TRAPPC9: variants seen among roughly 807,000 people sequenced by gnomAD.
TRAPPC9 encodes trafficking protein particle complex subunit 9.
Under a neutral mutation model 124.0 loss-of-function variants are expected in TRAPPC9, and 83 were observed. The ratio of observed to expected loss-of-function variants is 0.67; its 90% CI spans 0.56 to 0.80. The LOEUF (loss-of-function observed/expected upper bound fraction) is 0.80, where lower values mean the gene tolerates loss of function less well. TRAPPC9 is among the 30% of genes least tolerant of loss of function. The pLI is 0.00. For missense variants in TRAPPC9, 1,302 were observed against 1,508.3 expected (o/e 0.86, Z 2.27); for synonymous variants, 638 against 617.5 (o/e 1.03, Z -0.49).
intron 21 of TRAPPC9, among the ~76,000 whole-genome samples, chr8:139,846,568 AC>A (rs1386480859): frequency 6.6e-6 from 1 of 152,128 alleles, no homozygotes; most frequent in Non-Finnish European, 1.5e-5. Context: ...AAAGAAATTC[AC>A]CCCCACACAC....
intron 20 of TRAPPC9, among the ~76,000 whole-genome samples, chr8:139,906,605 G>C (rs1831380920): frequency 6.6e-6 from 1 of 152,074 alleles, no homozygotes; most frequent in African/African-American, 2.4e-5. Context: ...AGAGAGGAAG[G>C]GACAGGCACT....
rs548892972 is a variant in TRAPPC9 at position 139,754,607 on chromosome 8, C to A, written c.3056-22405G>T. Among the ~76,000 whole-genome samples, 8 of 152,338 alleles carry A rather than the reference C, an allele frequency of 5.3e-5. No homozygotes were observed. In the South Asian group the frequency reaches 1.7e-3, roughly 32 times the overall value. On this transcript the variant is annotated intron_variant, in intron 21 of 22. Coordinates refer to ENST00000438773, the MANE Select transcript of TRAPPC9 (RefSeq NM_001160372.4). ...CAAACTCGGGGTAACAACAAGAAGC[C>A]ATCCCAACTCCCATGGGTCGGCTGA...
Position 140,450,885 on chromosome 8 carries a change from A to C in TRAPPC9, c.489T>G (p.Arg163=). 9 of 1,613,988 alleles carry C rather than the reference A, an allele frequency of 5.6e-6. No individual in the cohort carries two copies. Among genetic ancestry groups the C allele is most frequent in the Non-Finnish European group, 6.8e-6 (8 of 1,179,974 alleles). ...CAGACTTGTCTGTGGCTCTGTCCAGACGCTTGGACTCCAGCACGATGAACA... is the reference window on the plus strand; with the variant it reads ...CAGACTTGTCTGTGGCTCTGTCCAGCCGCTTGGACTCCAGCACGATGAACA... ...ESLFIVLESK[R]LDRATDKSGD... The change falls in exon 2 of 23, where the codon CGT becomes CGG. Residue 163 remains arginine (R), a synonymous_variant. Coordinates refer to ENST00000438773, the MANE Select transcript of TRAPPC9 (RefSeq NM_001160372.4).
intron 17 of TRAPPC9, among the ~76,000 whole-genome samples, chr8:140,215,000 G>A (rs926206030): frequency 3.9e-5 from 6 of 152,130 alleles, no homozygotes; most frequent in African/African-American, 1.4e-4. Context: ...TCTGTAACAA[G>A]CTCATGGTGC....
intron 20 of TRAPPC9, among the ~76,000 whole-genome samples, chr8:139,902,041 AATC>A (rs2131224906): frequency 6.6e-6 from 1 of 152,314 alleles, no homozygotes; most frequent in Non-Finnish European, 1.5e-5. Flanking sequence ...TGCTCACAAT[AATC>A]ATCACGCTAA....
intron 20 of TRAPPC9, among the ~76,000 whole-genome samples, chr8:139,899,968 A>G (rs1830917531): frequency 6.6e-6 from 1 of 152,170 alleles, no homozygotes; most frequent in African/African-American, 2.4e-5. Flanking sequence ...AATGTGTTCT[A>G]GATGTACAAG....
intron 21 of TRAPPC9, among the ~76,000 whole-genome samples, chr8:139,863,456 T>G (rs1240588519): frequency 6.6e-6 from 1 of 152,216 alleles, no homozygotes; most frequent in East Asian, 1.9e-4. Context: ...GGACACTGCT[T>G]CCTCTGCTGG....
At chr8:140,052,047 G>A (rs1427801781) in intron 17 of TRAPPC9, among the ~76,000 whole-genome samples, 1 of 152,130 alleles carries the variant, frequency 6.6e-6, no homozygotes, top group African/African-American at 2.4e-5. Context: ...GGAGCATCAG[G>A]GGCCGGCCAG....
At position 139,844,932 on chromosome 8, in the gene TRAPPC9, G is replaced by A. The variant is rs576422275; in HGVS notation, c.3055+40947C>T. On this transcript the variant is annotated intron_variant, in intron 21 of 22. Transcript: ENST00000438773. The stretch of plus-strand genomic sequence containing the variant: ...CCCCATGCTCCCAGTTCATCACCCC[G>A]TCCCCAGGCCTGGCACATCCCGTGT... 6.6e-5 allele frequency among the ~76,000 whole-genome samples: 10 copies of A among 152,198 alleles called. No homozygotes were observed. In the South Asian group the frequency reaches 1.0e-3, roughly 16 times the overall value.
At chr8:140,144,929 A>G (rs1394211582) in intron 17 of TRAPPC9, among the ~76,000 whole-genome samples, 1 of 151,834 alleles carries the variant, frequency 6.6e-6, no homozygotes. Context: ...GCAGGAATGC[A>G]GTGGCGCGAT....
chr8:140,028,590 G>T (rs953004135), intron 17 of TRAPPC9, among the ~76,000 whole-genome samples: 1 of 152,220 alleles, frequency 6.6e-6, no homozygotes, highest in Non-Finnish European at 1.5e-5. Flanking sequence ...TTGCCATTCA[G>T]GCAAACTGTT....
chr8:140,036,611 G>A (rs112874349), intron 17 of TRAPPC9, among the ~76,000 whole-genome samples: 9 of 152,148 alleles, frequency 5.9e-5, no homozygotes, highest in South Asian at 2.1e-4. Context: ...TTGAGATTCC[G>A]AAGGACATCC....
intron 17 of TRAPPC9, among the ~76,000 whole-genome samples, chr8:140,077,645 A>C (rs1262455181): frequency 6.6e-6 from 1 of 152,134 alleles, no homozygotes; most frequent in African/African-American, 2.4e-5. Flanking sequence ...TGTGATGGAC[A>C]AGGCAAGGAC....
chr8:140,208,968 T>C (rs774156345), intron 17 of TRAPPC9, among the ~76,000 whole-genome samples: 8 of 152,136 alleles, frequency 5.3e-5, no homozygotes, highest in Admixed American at 1.3e-4. Flanking sequence ...GATTTGGGTG[T>C]ATGGAAGATC....
intron 21 of TRAPPC9, among the ~76,000 whole-genome samples, chr8:139,822,625 G>T (rs989555683): frequency 1.9e-5 from 2 of 105,218 alleles, no homozygotes; most frequent in Non-Finnish European, 2.2e-5. Flanking sequence ...GTAGGATGGC[G>T]GGGGGGGGCT....
chr8:139,773,223 T>C (rs1257343036), intron 21 of TRAPPC9, among the ~76,000 whole-genome samples: 1 of 152,248 alleles, frequency 6.6e-6, no homozygotes, highest in East Asian at 1.9e-4. Context: ...CCCAGGTCTC[T>C]GCCTCTGTCC....
chr8:140,076,552 C>T (rs1391848430), intron 17 of TRAPPC9, among the ~76,000 whole-genome samples: 1 of 152,240 alleles, frequency 6.6e-6, no homozygotes, highest in African/African-American at 2.4e-5. Flanking sequence ...ATCCGCATTC[C>T]ACGCTGTGTC....
chr8:140,361,836 G>A (rs1176939663), intron 8 of TRAPPC9, among the ~76,000 whole-genome samples: 2 of 152,158 alleles, frequency 1.3e-5, no homozygotes, highest in Non-Finnish European at 2.9e-5. Context: ...CGTGAGACTG[G>A]GCGCTCGGCT....
intron 20 of TRAPPC9, among the ~76,000 whole-genome samples, chr8:139,891,113 G>C (rs1830319563): frequency 6.6e-6 from 1 of 152,186 alleles, no homozygotes; most frequent in Non-Finnish European, 1.5e-5. Context: ...TGGCTGGGAA[G>C]GTTTGTGTCT....
Sources: gnomAD v4.1 joint callset for allele counts (sites outside exome capture counted in the v4.1 genomes callset) on GRCh38, gnomAD v4.1.1 for gene constraint, MANE v1.5 for transcripts, NCBI Gene and HGNC (gene_info 2026-07-23, HGNC 2026-07-21) for gene names.